ADAMTS12: variants seen among roughly 807,000 people sequenced by gnomAD.
The protein encoded by ADAMTS12 is A disintegrin and metalloproteinase with thrombospondin motifs 12.
A neutral mutation model predicts 167.8 loss-of-function variants in ADAMTS12; 118 were observed. That is an observed-to-expected ratio of 0.70 (90% CI 0.61 to 0.82). The LOEUF (loss-of-function observed/expected upper bound fraction) is 0.82, where lower values mean the gene tolerates loss of function less well. ADAMTS12 is among the 40% of genes least tolerant of loss of function. The probability of loss-of-function intolerance (pLI) is 0.00; values close to 1 mark genes in which losing one functional copy is unlikely to be tolerated. For missense variants in ADAMTS12, 1,916 were observed against 1,998.8 expected (o/e 0.96, Z 0.79); for synonymous variants, 704 against 716.9 (o/e 0.98, Z 0.29).
At chr5:33,606,934 C>T (rs943850795) in intron 16 of ADAMTS12, among the ~76,000 whole-genome samples, 1 of 152,106 alleles carries the variant, frequency 6.6e-6, no homozygotes, top group Non-Finnish European at 1.5e-5. Context: ...TAAGCTTTGT[C>T]AAAGGAATGC....
Position 33,549,381 on chromosome 5 carries a change from G to T in ADAMTS12, c.4128C>A (p.Cys1376Ter). The T allele has an allele frequency of 6.2e-7, 1 of 1,612,040 alleles. No homozygotes were observed. The change falls in exon 21 of 24, where the codon TGC becomes TGA. Residue 1376 changes from cysteine (C) to a stop codon, truncating the protein, a stop_gained and splice_region_variant. Transcript: ENST00000504830. LOFTEE classifies it high-confidence loss of function. ...TGAAGCCCCCACTGCAGTTTCTGGA[G>T]CACTGTATGGAGAGAAAAATCAAAG... ...AGWKVGNWSK[C>*]SRNCSGGFKI...
At chr5:33,631,153 T>A (rs1395760192) in intron 12 of ADAMTS12, among the ~76,000 whole-genome samples, 2 of 152,214 alleles carry the variant, frequency 1.3e-5, no homozygotes, top group Non-Finnish European at 2.9e-5. Flanking sequence ...ATTAAAAGGT[T>A]GCTTTAAAAT....
At chr5:33,580,336 G>A (rs1022722642) in intron 18 of ADAMTS12, among the ~76,000 whole-genome samples, 3 of 152,136 alleles carry the variant, frequency 2.0e-5, no homozygotes, top group Non-Finnish European at 4.4e-5. Context: ...TCACATGGCG[G>A]CAGGAGAGAC....
chr5:33,636,324 T>A (rs1226733844), intron 12 of ADAMTS12, among the ~76,000 whole-genome samples: 1 of 152,194 alleles, frequency 6.6e-6, no homozygotes, highest in African/African-American at 2.4e-5. Flanking sequence ...GCGCAGGATA[T>A]ACACATAGAT....
rs1746795248 is a variant in ADAMTS12, at chr5:33,577,193, GAGA to G, written c.2866-36_2866-34del. On this transcript the variant is annotated intron_variant, in intron 18 of 23. Transcript: ENST00000504830. ...AGAGAAACAGCTGTTAGCCTGGCGA[GAGA>G]AGATGCTTTTATTCTCATGGTTAGG... 6 of 1,613,438 alleles carry G rather than the reference GAGA, an allele frequency of 3.7e-6. No individual in the cohort carries two copies. In the South Asian group the frequency reaches 5.5e-5, roughly 15 times the overall value.
At chr5:33,879,272 C>A (rs2111767702) in intron 2 of ADAMTS12, among the ~76,000 whole-genome samples, 1 of 152,090 alleles carries the variant, frequency 6.6e-6, no homozygotes, top group Non-Finnish European at 1.5e-5. Context: ...ATGGGTTTGT[C>A]TTTGTAATGA....
intron 23 of ADAMTS12, among the ~76,000 whole-genome samples, chr5:33,531,921 A>G (rs1744119919): frequency 6.6e-6 from 1 of 152,208 alleles, no homozygotes; most frequent in African/African-American, 2.4e-5. Context: ...TTCCAGAACT[A>G]TATTTAGCAA....
chr5:33,735,723 G>A (rs915743472), intron 3 of ADAMTS12, among the ~76,000 whole-genome samples: 11 of 152,142 alleles, frequency 7.2e-5, no homozygotes, highest in African/African-American at 2.7e-4. Context: ...GCTTCAAGCT[G>A]CTGGAAAGGT....
intron 5 of ADAMTS12, among the ~76,000 whole-genome samples, chr5:33,662,476 A>G (rs1279155910): frequency 6.6e-6 from 1 of 152,250 alleles, no homozygotes; most frequent in Non-Finnish European, 1.5e-5. Context: ...CTGCAAGGCT[A>G]GAGTTGCACT....
In ADAMTS12 at chr5:33,576,225, G is replaced by A. The variant is rs1190675883; in HGVS notation, c.3801C>T (p.Asn1267=). 6.2e-7 allele frequency: 1 copy of A among 1,614,224 alleles called. No individual in the cohort carries two copies. Among genetic ancestry groups the A allele is most frequent in the Admixed American group, 1.7e-5 (1 of 60,036 alleles). Reference sequence around the variant, plus strand: ...TCATGTTGTTTGGAAGTTTCAGGTGGTTACGGTTTGCCGTCTTTCCTGAGG... The same window carrying A: ...TCATGTTGTTTGGAAGTTTCAGGTGATTACGGTTTGCCGTCTTTCCTGAGG... ...PEPSGKTANR[N]HLKLPNNMNQ... is the part of the protein sequence containing the mutation. Residue 1267 remains asparagine (N), a synonymous_variant, in exon 19 of 24, where the codon AAC becomes AAT. Transcript: ENST00000504830.
intron 2 of ADAMTS12, among the ~76,000 whole-genome samples, chr5:33,800,704 G>A (rs1746965283): frequency 6.6e-6 from 1 of 152,066 alleles, no homozygotes; most frequent in Non-Finnish European, 1.5e-5. Flanking sequence ...TTAATTGGTA[G>A]CCTCAGTCTT....
intron 14 of ADAMTS12, among the ~76,000 whole-genome samples, chr5:33,623,723 C>A (rs993382590): frequency 6.6e-6 from 1 of 152,194 alleles, no homozygotes; most frequent in African/African-American, 2.4e-5. Flanking sequence ...TTTGATGCAA[C>A]CCTGCCTTGC....
intron 18 of ADAMTS12, among the ~76,000 whole-genome samples, chr5:33,577,442 C>A (rs528914494): frequency 6.6e-6 from 1 of 152,206 alleles, no homozygotes; most frequent in African/African-American, 2.4e-5. Flanking sequence ...TCATGGATGG[C>A]GGGATCCACA....
At chr5:33,795,080 A>T (rs1384699256) in intron 2 of ADAMTS12, among the ~76,000 whole-genome samples, 1 of 152,200 alleles carries the variant, frequency 6.6e-6, no homozygotes, top group Non-Finnish European at 1.5e-5. Context: ...CAAAGTCTGG[A>T]TTTTATTTGG....
chr5:33,563,353 G>A (rs1055365845), intron 19 of ADAMTS12, among the ~76,000 whole-genome samples: 3 of 152,180 alleles, frequency 2.0e-5, no homozygotes, highest in African/African-American at 7.2e-5. Context: ...CTTGTGACTT[G>A]TCTTGGCCAA....
chr5:33,527,659 C>T (rs1405108806), intron 23 of ADAMTS12, among the ~76,000 whole-genome samples: 1 of 152,180 alleles, frequency 6.6e-6, no homozygotes, highest in African/African-American at 2.4e-5. Context: ...AACTACTTGC[C>T]TTTGGGTTCA....
intron 2 of ADAMTS12, among the ~76,000 whole-genome samples, chr5:33,794,008 C>T (rs6865823): frequency 0.15 from 22,373 of 152,166 alleles, 1,808 homozygotes; most frequent in Non-Finnish European, 0.18. Flanking sequence ...GGAGTTTACC[C>T]CCTGCTCCTC....
chr5:33,816,706 C>T (rs771279172), intron 2 of ADAMTS12, among the ~76,000 whole-genome samples: 1 of 152,082 alleles, frequency 6.6e-6, no homozygotes. Flanking sequence ...AAAAGAATCA[C>T]AATCCAATGG....
chr5:33,684,600 C>T (rs1283962282), intron 3 of ADAMTS12, among the ~76,000 whole-genome samples: 1 of 152,148 alleles, frequency 6.6e-6, no homozygotes, highest in East Asian at 1.9e-4. Flanking sequence ...ACACCGTTTC[C>T]AACAGAGTAA....
Sources: allele counts gnomAD v4.1 joint callset (sites outside exome capture counted in the v4.1 genomes callset), GRCh38; gene constraint gnomAD v4.1.1; transcripts MANE v1.5; gene names NCBI Gene and HGNC (gene_info 2026-07-23, HGNC 2026-07-21).